Variants in HS3ST4 observed in about 807,000 individuals in gnomAD.
HS3ST4 encodes heparan sulfate-glucosamine 3-sulfotransferase 4.
A neutral mutation model predicts 29.2 loss-of-function variants in HS3ST4; 17 were observed. The observed-to-expected ratio is 0.58, with a 90% CI of 0.40 to 0.87. HS3ST4 has a LOEUF of 0.87. Among genes scored for constraint, HS3ST4 ranks in the 40% least tolerant of loss-of-function variants. The pLI, the probability that HS3ST4 is intolerant of heterozygous loss-of-function variation, is 0.00. For missense variants in HS3ST4, 627 were observed against 634.5 expected (o/e 0.99, Z 0.13); for synonymous variants, 314 against 285.7 (o/e 1.10, Z -1.00).
In HS3ST4 at chr16:26,058,947, C is replaced by T. The variant is rs563451985; in HGVS notation, c.735-76665C>T. 2.1e-3 allele frequency among the ~76,000 whole-genome samples: 315 copies of T among 152,258 alleles called. 2 individuals carry two copies. Among genetic ancestry groups the T allele is most frequent in the African/African-American group, 7.3e-3 (302 of 41,554 alleles). On this transcript the variant is annotated intron_variant, in intron 1 of 1. Coordinates refer to ENST00000331351, the MANE Select transcript of HS3ST4 (RefSeq NM_006040.3). Reference sequence around the variant, plus strand: ...GCCCCATTCATTGTCCCAGTTCCAACCTGGGGGCTGGGAGGAAGGTGGGTT... The same window carrying T: ...GCCCCATTCATTGTCCCAGTTCCAATCTGGGGGCTGGGAGGAAGGTGGGTT...
chr16:25,968,281 G>A (rs1325564663), intron 1 of HS3ST4, among the ~76,000 whole-genome samples: 1 of 152,158 alleles, frequency 6.6e-6, no homozygotes, highest in African/African-American at 2.4e-5. Flanking sequence ...TGCTCTGTAT[G>A]GCCAACACAG....
At chr16:25,862,653 A>T (rs117729332) in intron 1 of HS3ST4, among the ~76,000 whole-genome samples, 3 of 152,172 alleles carry the variant, frequency 2.0e-5, no homozygotes, top group Non-Finnish European at 4.4e-5. Context: ...GTCGTACAGT[A>T]AGTATTCCGC....
rs548797302 is a variant in HS3ST4 at position 25,695,535 on chromosome 16, C to A, written c.734+2384C>A. ...CATCAGTTCCATCTATCTCTTCAGACTCCTCTCTCACTCCCGTATAGGAAG... is the reference window on the plus strand; with the variant it reads ...CATCAGTTCCATCTATCTCTTCAGAATCCTCTCTCACTCCCGTATAGGAAG... On this transcript the variant is annotated intron_variant, in intron 1 of 1. Coordinates refer to ENST00000331351, the MANE Select transcript of HS3ST4 (RefSeq NM_006040.3). 1.1e-4 allele frequency among the ~76,000 whole-genome samples: 16 copies of A among 152,330 alleles called. No homozygotes were observed. In the South Asian group the frequency reaches 2.9e-3, roughly 28 times the overall value.
chr16:25,705,607 T>G (rs1966370962), intron 1 of HS3ST4, among the ~76,000 whole-genome samples: 1 of 152,022 alleles, frequency 6.6e-6, no homozygotes, highest in Non-Finnish European at 1.5e-5. Context: ...GAGGTTGCAG[T>G]GAGCTGAGAT....
intron 1 of HS3ST4, among the ~76,000 whole-genome samples, chr16:25,951,603 T>C (rs780430902): frequency 1.3e-5 from 2 of 152,214 alleles, no homozygotes; most frequent in Non-Finnish European, 2.9e-5. Flanking sequence ...CACTTTCTAC[T>C]CTCTATGTTG....
intron 1 of HS3ST4, among the ~76,000 whole-genome samples, chr16:25,855,813 A>G (rs949649212): frequency 6.6e-6 from 1 of 151,924 alleles, no homozygotes; most frequent in Admixed American, 6.6e-5. Context: ...CTTTAATCTT[A>G]TAGTTAAGTT....
At chr16:26,037,670 G>C (rs543961501) in intron 1 of HS3ST4, among the ~76,000 whole-genome samples, 63 of 152,290 alleles carry the variant, frequency 4.1e-4, no homozygotes, top group African/African-American at 1.5e-3. Flanking sequence ...TGAGCAGTTT[G>C]TTGGATTGCT....
intron 1 of HS3ST4, among the ~76,000 whole-genome samples, chr16:25,762,761 C>T (rs1175553885): frequency 6.7e-6 from 1 of 150,196 alleles, no homozygotes; most frequent in African/African-American, 2.5e-5. Context: ...CCTCTAGTCC[C>T]AGCTACTTGG....
At chr16:25,979,191 T>C (rs12708687) in intron 1 of HS3ST4, among the ~76,000 whole-genome samples, 137,400 of 152,112 alleles carry the variant, frequency 0.9, 62,237 homozygotes, top group Admixed American at 0.94. Flanking sequence ...CCACTGCGTC[T>C]GGCCGACTTG....
intron 1 of HS3ST4, among the ~76,000 whole-genome samples, chr16:25,795,448 T>C (rs1412402671): frequency 5.3e-5 from 8 of 152,200 alleles, no homozygotes; most frequent in Admixed American, 5.2e-4. Flanking sequence ...TTCTATTTTA[T>C]TCCTTTTTAT....
intron 1 of HS3ST4, among the ~76,000 whole-genome samples, chr16:25,723,586 C>T (rs2141590473): frequency 6.6e-6 from 1 of 152,286 alleles, no homozygotes; most frequent in African/African-American, 2.4e-5. Flanking sequence ...TTAGTTTGGG[C>T]CCACATTTTT....
At chr16:25,832,094 G>T (rs1288886309) in intron 1 of HS3ST4, among the ~76,000 whole-genome samples, 1 of 152,084 alleles carries the variant, frequency 6.6e-6, no homozygotes, top group Non-Finnish European at 1.5e-5. Flanking sequence ...GTGACAGAGT[G>T]AGACCCTGTT....
intron 1 of HS3ST4, among the ~76,000 whole-genome samples, chr16:25,991,848 C>T (rs996454073): frequency 2.0e-5 from 3 of 152,052 alleles, no homozygotes; most frequent in Admixed American, 6.5e-5. Context: ...GGTGAAACCC[C>T]GTCTCTACTA....
At chr16:25,878,392 T>G (rs1228852578) in intron 1 of HS3ST4, among the ~76,000 whole-genome samples, 1 of 152,154 alleles carries the variant, frequency 6.6e-6, no homozygotes, top group Non-Finnish European at 1.5e-5. Flanking sequence ...CTTCTCTCAT[T>G]ACGTTTGTTT....
intron 1 of HS3ST4, among the ~76,000 whole-genome samples, chr16:25,992,055 A>G (rs977581518): frequency 3.9e-5 from 6 of 152,208 alleles, no homozygotes; most frequent in African/African-American, 1.4e-4. Context: ...AACAAAAAGA[A>G]GAAAATGGCA....
At chr16:25,742,269 C>T (rs149197581) in intron 1 of HS3ST4, among the ~76,000 whole-genome samples, 6 of 152,256 alleles carry the variant, frequency 3.9e-5, no homozygotes, top group East Asian at 1.9e-4. Flanking sequence ...AGAAATGGTA[C>T]GCAGAAGCTC....
At chr16:25,797,607 C>T (rs1966894164) in intron 1 of HS3ST4, among the ~76,000 whole-genome samples, 1 of 152,140 alleles carries the variant, frequency 6.6e-6, no homozygotes, top group Non-Finnish European at 1.5e-5. Flanking sequence ...ATTCCAAACA[C>T]TCCTTGTATT....
intron 1 of HS3ST4, among the ~76,000 whole-genome samples, chr16:25,951,253 G>T (rs1397406076): frequency 6.6e-6 from 1 of 152,208 alleles, no homozygotes; most frequent in Non-Finnish European, 1.5e-5. Flanking sequence ...GCCACTGCCA[G>T]TTTTTCCAGA....
intron 1 of HS3ST4, among the ~76,000 whole-genome samples, chr16:26,005,029 T>C (rs1950911851): frequency 6.6e-6 from 1 of 152,168 alleles, no homozygotes; most frequent in Non-Finnish European, 1.5e-5. Context: ...TAACCTTTCT[T>C]CCAAGCATAA....
Sources: allele counts gnomAD v4.1 joint callset (sites outside exome capture counted in the v4.1 genomes callset), GRCh38; gene constraint gnomAD v4.1.1; transcripts MANE v1.5; gene names NCBI Gene and HGNC (gene_info 2026-07-23, HGNC 2026-07-21).